ICE1: variants seen among roughly 807,000 people sequenced by gnomAD.
The protein encoded by ICE1 is little elongation complex subunit 1.
In ICE1, 64 loss-of-function variants were observed where a neutral mutation model predicts 192.7. The observed-to-expected ratio is 0.33, with a 90% confidence interval of 0.27 to 0.41. The LOEUF (loss-of-function observed/expected upper bound fraction) is 0.41. Among genes scored for constraint, ICE1 ranks in the 10% least tolerant of loss-of-function variants. The probability of loss-of-function intolerance (pLI) is 1.00; values close to 1 mark genes in which losing one functional copy is unlikely to be tolerated. For synonymous variants in ICE1, 1,010 were observed against 984.5 expected (o/e 1.03, Z -0.49); for missense variants, 2,708 against 2,696.0 (o/e 1.00, Z -0.10).
intron 17 of ICE1, among the ~76,000 whole-genome samples, chr5:5,486,498 C>T (rs1217427561): frequency 6.6e-6 from 1 of 152,152 alleles, no homozygotes; most frequent in African/African-American, 2.4e-5. Context: ...AGAAGTCAGG[C>T]GTTTCACATT....
intron 12 of ICE1, 67 bp downstream of exon 12, chr5:5,457,808 G>A: frequency 7.1e-7 from 1 of 1,405,230 alleles, no homozygotes; most frequent in East Asian, 2.3e-5. Context: ...TGTCCTTGAT[G>A]CTCAAAGGAT....
In ICE1 at chr5:5,460,927, T is replaced by C. The variant is rs781339453; in HGVS notation, c.1593T>C (p.Cys531=). The C allele has an allele frequency of 1.2e-6, 2 of 1,613,686 alleles. No homozygotes were observed. Among genetic ancestry groups the C allele is most frequent in the South Asian group, 2.2e-5 (2 of 91,034 alleles). Residue 531 remains cysteine, a synonymous_variant, in exon 13 of 19, where the codon TGT becomes TGC. Transcript: ENST00000296564. ...KEAAPGKSEL[C]SSPLGKRPLN... Reference sequence around the variant, plus strand: ...CTGCCCCTGGGAAGTCTGAGTTGTGTTCTTCTCCCCTTGGCAAAAGGCCAT... The same window carrying C: ...CTGCCCCTGGGAAGTCTGAGTTGTGCTCTTCTCCCCTTGGCAAAAGGCCAT...
At chr5:5,448,426 A>ACGG (rs1334186347) in intron 10 of ICE1, among the ~76,000 whole-genome samples, 1 of 152,246 alleles carries the variant, frequency 6.6e-6, no homozygotes, top group Non-Finnish European at 1.5e-5. Context: ...ACTGAGCGCC[A>ACGG]CGTCTCATAG....
At chr5:5,487,032 G>C (rs1739655526) in intron 18 of ICE1, among the ~76,000 whole-genome samples, 1 of 152,162 alleles carries the variant, frequency 6.6e-6, no homozygotes. Context: ...CGTTTGCCTT[G>C]TTGGGCACTG....
At position 5,462,997 on chromosome 5, in the gene ICE1, G is replaced by A. The variant is rs1004205110; in HGVS notation, c.3663G>A (p.Lys1221=). 2 of 1,613,566 alleles carry A rather than the reference G, an allele frequency of 1.2e-6. No homozygotes were observed. The highest frequency in any genetic ancestry group is 1.1e-5 in the South Asian group (1 of 90,998). ...KASEIGEKYR[K]QPCEEETLGT... ...GTGAAATAGGAGAAAAATACAGAAAGCAACCCTGTGAGGAAGAAACACTTG... is the reference window on the plus strand; with the variant it reads ...GTGAAATAGGAGAAAAATACAGAAAACAACCCTGTGAGGAAGAAACACTTG... Residue 1221 remains lysine, a synonymous_variant, in exon 13 of 19, where the codon AAG becomes AAA. Transcript: ENST00000296564.
At chr5:5,476,385 A>G (rs1156372682) in intron 17 of ICE1, among the ~76,000 whole-genome samples, 1 of 152,172 alleles carries the variant, frequency 6.6e-6, no homozygotes, top group Non-Finnish European at 1.5e-5. Flanking sequence ...ATTATACTGT[A>G]GTTTCATTTG....
chr5:5,464,306 A>G lies in ICE1; in HGVS notation c.4972A>G (p.Ser1658Gly). 1.2e-6 allele frequency: 2 copies of G among 1,613,540 alleles called. No individual in the cohort carries two copies. The highest frequency in any genetic ancestry group is 1.7e-6 in the Non-Finnish European group (2 of 1,179,770). ...QPLSPLISSS[S>G]PSSPASPVGQ... ...ACTGTCTCCACTGATATCGAGTTCT[A>G]GTCCTTCCTCACCAGCCTCTCCTGT... The change falls in exon 13 of 19, where the codon AGT (serine) becomes GGT (glycine). Residue 1658 changes from serine to glycine, a missense_variant. Physicochemically the swap from Ser to Gly is moderately conservative, Grantham distance 56. This residue lies in a region of ICE1 where 2,366 missense variants were observed against 2,276.6 expected (regional missense o/e 1.04). Coordinates refer to ENST00000296564, the MANE Select transcript of ICE1 (RefSeq NM_015325.3). The surrounding 1 kb of genome is among the most constrained non-coding windows in gnomAD (Gnocchi z 4.0).
Position 5,466,453 on chromosome 5 carries a change from C to G in ICE1, c.6012C>G (p.Leu2004=). The G allele has an allele frequency of 6.2e-7, 1 of 1,613,094 alleles. No homozygotes were observed. Residue 2004 remains leucine (L), a synonymous_variant, in exon 14 of 19, where the codon CTC becomes CTG. Transcript: ENST00000296564. ...TGTATGTGGGTATTTGTCGGCAACT[C>G]GGAGACTTGGAAAGAGCTCGTTTGT... ...CRVYVGICRQ[L]GDLERARLFC...
intron 18 of ICE1, among the ~76,000 whole-genome samples, chr5:5,488,289 T>TA (rs1739682825): frequency 6.6e-6 from 1 of 152,190 alleles, no homozygotes. Context: ...ACACATTGAG[T>TA]ATATTTTATT....
At position 5,462,145 on chromosome 5, in the gene ICE1, T is replaced by G. The variant is rs1738811389; in HGVS notation, c.2811T>G (p.Phe937Leu). 1 of 1,613,906 alleles carries G rather than the reference T, an allele frequency of 6.2e-7. No individual in the cohort carries two copies. The highest frequency in any genetic ancestry group is 1.1e-5 in the South Asian group (1 of 91,074). Residue 937 changes from phenylalanine to leucine, a missense_variant, in exon 13 of 19, where the codon TTT (phenylalanine) becomes TTG (leucine). Transcript: ENST00000296564. ...EVSASRRKLDFNSPGGSSPVE... is the reference protein window; with the variant it reads ...EVSASRRKLDLNSPGGSSPVE... Reference sequence around the variant, plus strand: ...CTGCCTCTAGGAGAAAATTAGATTTTAATTCTCCAGGTGGTTCTTCACCAG... The same window carrying G: ...CTGCCTCTAGGAGAAAATTAGATTTGAATTCTCCAGGTGGTTCTTCACCAG...
intron 1 of ICE1, among the ~76,000 whole-genome samples, 172 bp downstream of exon 1, chr5:5,423,171 G>T (rs1737377402): frequency 6.6e-6 from 1 of 152,064 alleles, no homozygotes; most frequent in Non-Finnish European, 1.5e-5. Context: ...CATGAGTTTT[G>T]GGGACGGCTT....
chr5:5,463,401 C>T lies in ICE1; in HGVS notation c.4067C>T (p.Thr1356Ile). 9 of 1,613,714 alleles carry T rather than the reference C, an allele frequency of 5.6e-6. No individual in the cohort carries two copies. Among genetic ancestry groups the T allele is most frequent in the Admixed American group, 3.3e-5 (2 of 59,978 alleles). Residue 1356 changes from threonine (T) to isoleucine (I), a missense_variant, in exon 13 of 19, where the codon ACC becomes ATC. Physicochemically the swap from Thr to Ile is moderately conservative, Grantham distance 89 (BLOSUM62 -1). This residue lies in a region of ICE1 where 2,366 missense variants were observed against 2,276.6 expected (regional missense o/e 1.04). Coordinates refer to ENST00000296564, the MANE Select transcript of ICE1 (RefSeq NM_015325.3). ...GCCCGTTCAGATGCAGGCAGGCAAA[C>T]CGATGGTGGGGAAGAAGACCTGCCA... ...PEARSDAGRQ[T>I]DGGEEDLPEP...
chr5:5,486,938 G>A (rs1465417930), intron 18 of ICE1, 119 bp downstream of exon 18: 18 of 605,246 alleles, frequency 3.0e-5, no homozygotes, highest in Non-Finnish European at 5.1e-5. Flanking sequence ...TCATAGATTA[G>A]GGAATATTTG....
intron 15 of ICE1, among the ~76,000 whole-genome samples, chr5:5,470,527 A>G (rs1287712999): frequency 6.6e-6 from 1 of 152,250 alleles, no homozygotes; most frequent in Non-Finnish European, 1.5e-5. Flanking sequence ...AAACCCCATT[A>G]TATTACAGGA....
At chr5:5,452,547 T>A (rs959354473) in intron 10 of ICE1, among the ~76,000 whole-genome samples, 5 of 152,094 alleles carry the variant, frequency 3.3e-5, no homozygotes, top group African/African-American at 1.2e-4. Flanking sequence ...CATAAACATG[T>A]TCCTGGATGA....
chr5:5,461,760 C>T lies in ICE1; in HGVS notation c.2426C>T (p.Ser809Leu), dbSNP rs376597245. Residue 809 changes from serine to leucine, a missense_variant, in exon 13 of 19, where the codon TCA becomes TTA. Transcript: ENST00000296564. ...GGCGAAGAAAGTCTGAGAGCCAAAT[C>T]AGAACATGAACAGAAGACTAGCCAT... ...KGGEESLRAK[S>L]EHEQKTSHQL... 10 of 1,613,598 alleles carry T rather than the reference C, an allele frequency of 6.2e-6. No individual in the cohort carries two copies. Among genetic ancestry groups the T allele is most frequent in the Middle Eastern group, 3.3e-4 (2 of 6,084 alleles).
At chr5:5,486,286 C>G (rs751672484) in intron 17 of ICE1, among the ~76,000 whole-genome samples, 1 of 152,222 alleles carries the variant, frequency 6.6e-6, no homozygotes, top group Non-Finnish European at 1.5e-5. Flanking sequence ...TTTGCACCAT[C>G]AGACCACATG....
chr5:5,437,440 G>C, intron 3 of ICE1: 1 of 219,376 alleles, frequency 4.6e-6, no homozygotes, highest in Non-Finnish European at 8.9e-6. Context: ...GAAACTGAAT[G>C]TGATACTTGC....
intron 12 of ICE1, among the ~76,000 whole-genome samples, chr5:5,459,910 C>A (rs889744036): frequency 6.6e-6 from 1 of 152,074 alleles, no homozygotes; most frequent in Non-Finnish European, 1.5e-5. Context: ...GGGTTGATGA[C>A]ATCAGTCAGG....
Sources: allele counts gnomAD v4.1 joint callset (sites outside exome capture counted in the v4.1 genomes callset), GRCh38; gene constraint gnomAD v4.1.1; regional missense constraint gnomAD v4.1.1; non-coding constraint Gnocchi (gnomAD v3.1); transcripts MANE v1.5; gene names NCBI Gene and HGNC (gene_info 2026-07-23, HGNC 2026-07-21).